PRKAG2: variants seen among roughly 807,000 people sequenced by gnomAD.
The protein encoded by PRKAG2 is protein kinase AMP-activated non-catalytic subunit gamma 2.
Under a neutral mutation model 69.6 loss-of-function variants are expected in PRKAG2, and 26 were observed. The observed-to-expected ratio is 0.37, with a 90% CI of 0.27 to 0.52. The LOEUF (loss-of-function observed/expected upper bound fraction) is 0.52. Among genes scored for constraint, PRKAG2 ranks in the 20% least tolerant of loss-of-function variants. The pLI is 0.90. For missense variants in PRKAG2, 557 were observed against 740.0 expected (o/e 0.75, Z 2.87); for synonymous variants, 293 against 285.0 (o/e 1.03, Z -0.28).
At chr7:151,842,068 TG>T (rs2079310351) in intron 1 of PRKAG2, among the ~76,000 whole-genome samples, 1 of 135,746 alleles carries the variant, frequency 7.4e-6, no homozygotes, top group African/African-American at 2.9e-5. Flanking sequence ...ATGGTAGTGA[TG>T]GTAGGTAGTG....
chr7:151,695,135 C>T (rs1585831440), intron 3 of PRKAG2, among the ~76,000 whole-genome samples: 2 of 152,202 alleles, frequency 1.3e-5, no homozygotes, highest in Admixed American at 1.3e-4. Flanking sequence ...TGCCCAGTGA[C>T]ATAACAGGGG....
At chr7:151,765,976 G>C (rs1426090639) in intron 3 of PRKAG2, among the ~76,000 whole-genome samples, 2 of 152,152 alleles carry the variant, frequency 1.3e-5, no homozygotes, top group Admixed American at 1.3e-4. Flanking sequence ...ACGTTGACAG[G>C]TGATTCATCT....
intron 4 of PRKAG2, among the ~76,000 whole-genome samples, chr7:151,672,984 G>T (rs10235453): frequency 6.6e-6 from 1 of 152,128 alleles, no homozygotes; most frequent in African/African-American, 2.4e-5. Context: ...CAAGGGCTGC[G>T]TGGTTGTGTG....
intron 1 of PRKAG2, among the ~76,000 whole-genome samples, chr7:151,832,147 A>G (rs934963682): frequency 6.6e-6 from 1 of 151,762 alleles, no homozygotes; most frequent in African/African-American, 2.4e-5. Flanking sequence ...CCCTCCCAGA[A>G]TGCTTGAAAT....
chr7:151,748,636 C>A (rs2074453926), intron 3 of PRKAG2, among the ~76,000 whole-genome samples: 1 of 151,896 alleles, frequency 6.6e-6, no homozygotes, highest in Non-Finnish European at 1.5e-5. Flanking sequence ...TGCGATTGAA[C>A]TACTTCACTG....
At chr7:151,769,648 G>A (rs1048431211) in intron 3 of PRKAG2, among the ~76,000 whole-genome samples, 2 of 152,204 alleles carry the variant, frequency 1.3e-5, no homozygotes, top group African/African-American at 4.8e-5. Context: ...ACAGGAATCC[G>A]GGCAGCTTAG....
In PRKAG2 at chr7:151,632,565, G is replaced by T; in HGVS notation, c.685-427C>A. ...CGCCCCCACTCCGCCCCCCGGCGCCGCTCACCTTCCCAGCACCGGCGGCCG... is the reference window on the plus strand; with the variant it reads ...CGCCCCCACTCCGCCCCCCGGCGCCTCTCACCTTCCCAGCACCGGCGGCCG... On this transcript the variant is annotated intron_variant, in intron 4 of 15. Transcript: ENST00000287878. This position sits in a 1 kb window ranked among gnomAD's most constrained non-coding sequence, Gnocchi z 4.2. 1 of 984,442 alleles carries T rather than the reference G, an allele frequency of 1.0e-6. No individual in the cohort carries two copies. The highest frequency in any genetic ancestry group is 6.2e-5 in the Admixed American group (1 of 16,220). The allele number at this position is 984,442 out of a possible 1,614,324, so 61.0% of individuals were successfully genotyped here.
At chr7:151,864,933 A>T (rs2080023714) in intron 1 of PRKAG2, among the ~76,000 whole-genome samples, 2 of 152,228 alleles carry the variant, frequency 1.3e-5, no homozygotes, top group South Asian at 4.1e-4. Flanking sequence ...TATATTACAT[A>T]TTACACATAT....
intron 1 of PRKAG2, among the ~76,000 whole-genome samples, chr7:151,852,656 G>A (rs370791864): frequency 6.6e-6 from 1 of 151,878 alleles, no homozygotes; most frequent in South Asian, 2.1e-4. Context: ...ATGAAGAACC[G>A]CCCCAGGACC....
At chr7:151,875,570 T>G (rs1266562400) in intron 1 of PRKAG2, among the ~76,000 whole-genome samples, 41 of 63,992 alleles carry the variant, frequency 6.4e-4, no homozygotes, top group Non-Finnish European at 1.1e-3. Context: ...CTGGTGTGTG[T>G]GTGTGTGTGT....
chr7:151,675,323 G>A (rs770918355), intron 4 of PRKAG2, 97 bp downstream of exon 4: 1 of 1,234,754 alleles, frequency 8.1e-7, no homozygotes, highest in Non-Finnish European at 1.2e-6. Context: ...CACGACCTCA[G>A]CCTCGGCTGC....
At chr7:151,757,118 T>G (rs999192094) in intron 3 of PRKAG2, among the ~76,000 whole-genome samples, 2 of 152,170 alleles carry the variant, frequency 1.3e-5, no homozygotes, top group Non-Finnish European at 2.9e-5. Context: ...CGGGGCAAGC[T>G]GGAGTGGGGT....
At chr7:151,797,849 C>T (rs2077638321) in intron 1 of PRKAG2, among the ~76,000 whole-genome samples, 1 of 152,218 alleles carries the variant, frequency 6.6e-6, no homozygotes, top group Non-Finnish European at 1.5e-5. Context: ...CGGCTCTTCA[C>T]ACTGACAGTC....
At chr7:151,740,192 G>A (rs1263234465) in intron 3 of PRKAG2, among the ~76,000 whole-genome samples, 1 of 152,238 alleles carries the variant, frequency 6.6e-6, no homozygotes, top group Non-Finnish European at 1.5e-5. Flanking sequence ...CTCCCGGGCT[G>A]CTGGTTAGCT....
chr7:151,809,327 C>A, intron 1 of PRKAG2: 1 of 452,888 alleles, frequency 2.2e-6, no homozygotes, highest in Non-Finnish European at 4.4e-6. Context: ...CGGGGATCAT[C>A]CAGAGACTCT....
intron 3 of PRKAG2, among the ~76,000 whole-genome samples, chr7:151,721,454 G>T (rs555583654): frequency 1.3e-5 from 2 of 152,120 alleles, no homozygotes; most frequent in Admixed American, 6.5e-5. Context: ...GGTGCCTGAG[G>T]GCCTGGCTCC....
At chr7:151,725,831 C>T (rs1797851989) in intron 3 of PRKAG2, among the ~76,000 whole-genome samples, 1 of 152,074 alleles carries the variant, frequency 6.6e-6, no homozygotes, top group Non-Finnish European at 1.5e-5. Flanking sequence ...AGAAAGAGGC[C>T]GAGAGGAGCT....
chr7:151,628,103 A>C (rs998225571), intron 5 of PRKAG2, among the ~76,000 whole-genome samples: 2 of 152,190 alleles, frequency 1.3e-5, no homozygotes, highest in African/African-American at 4.8e-5. Flanking sequence ...AAGCGGGTAA[A>C]ATCACCACAG....
chr7:151,694,647 AT>A (rs1475262785), intron 3 of PRKAG2, among the ~76,000 whole-genome samples: 2 of 150,600 alleles, frequency 1.3e-5, no homozygotes, highest in Admixed American at 1.3e-4. Context: ...TGAAGGCTGA[AT>A]ACTATTCCAC....
Sources: gnomAD v4.1 joint callset for allele counts (sites outside exome capture counted in the v4.1 genomes callset) on GRCh38, gnomAD v4.1.1 for gene constraint, Gnocchi (gnomAD v3.1) non-coding constraint, MANE v1.5 for transcripts, NCBI Gene and HGNC (gene_info 2026-07-23, HGNC 2026-07-21) for gene names.